The following TRIM3 variants were observed in gnomAD, a reference collection of about 807,000 sequenced individuals.
TRIM3 encodes the protein tripartite motif containing 3.
A neutral mutation model predicts 66.6 loss-of-function variants in TRIM3; 13 were observed. The observed-to-expected ratio is 0.20, with a 90% confidence interval of 0.13 to 0.31. The LOEUF (loss-of-function observed/expected upper bound fraction) is 0.31. TRIM3 is among the 10% of genes least tolerant of loss of function. The pLI is 1.00. For synonymous variants in TRIM3, 406 were observed against 411.7 expected (o/e 0.99, Z 0.17); for missense variants, 711 against 1,020.4 (o/e 0.70, Z 4.13).
intron 1 of TRIM3, among the ~76,000 whole-genome samples, chr11:6,466,099 AC>A (rs1850454359): frequency 6.6e-6 from 1 of 152,120 alleles, no homozygotes; most frequent in Non-Finnish European, 1.5e-5. Flanking sequence ...TCACTGACAT[AC>A]CTACCCTTCA....
At chr11:6,453,546 C>G (rs1166094451) in intron 7 of TRIM3, among the ~76,000 whole-genome samples, 1 of 152,104 alleles carries the variant, frequency 6.6e-6, no homozygotes, top group Non-Finnish European at 1.5e-5. Context: ...CAAAAACAAA[C>G]CAGTGATTCC....
intron 1 of TRIM3, among the ~76,000 whole-genome samples, chr11:6,470,260 C>T (rs1850628064): frequency 6.6e-6 from 1 of 152,098 alleles, no homozygotes; most frequent in Non-Finnish European, 1.5e-5. Context: ...GGGATATCAA[C>T]TGAACTTGGT....
At chr11:6,465,190 G>A (rs1347849621) in intron 2 of TRIM3, among the ~76,000 whole-genome samples, 1 of 152,082 alleles carries the variant, frequency 6.6e-6, no homozygotes, top group Non-Finnish European at 1.5e-5. Flanking sequence ...AGGACAAGCA[G>A]GGAAGGACAG....
intron 2 of TRIM3, among the ~76,000 whole-genome samples, chr11:6,462,465 T>C (rs1850289977): frequency 6.6e-6 from 1 of 152,186 alleles, no homozygotes; most frequent in Non-Finnish European, 1.5e-5. Flanking sequence ...TAGAGTGCAG[T>C]GATGTGATCA....
intron 1 of TRIM3, among the ~76,000 whole-genome samples, chr11:6,468,231 T>C (rs1422363719): frequency 6.6e-6 from 1 of 152,216 alleles, no homozygotes; most frequent in Non-Finnish European, 1.5e-5. Context: ...TGATGGGCCA[T>C]GAATAGAGAC....
chr11:6,448,954 C>A lies in TRIM3; in HGVS notation c.*74G>T. The A allele has an allele frequency of 1.3e-6, 2 of 1,579,888 alleles. No individual in the cohort carries two copies. The highest frequency in any genetic ancestry group is 1.7e-6 in the Non-Finnish European group (2 of 1,153,342). On this transcript the variant is annotated 3_prime_UTR_variant, in exon 12 of 12. Transcript: ENST00000345851. ...ATTCAGTGCTGCCAGGTCTGGCCCA[C>A]CTCCCAGCCAGACCCTCTTGTCCAA...
At position 6,449,780 on chromosome 11, in the gene TRIM3, A is replaced by C; in HGVS notation, c.1942-334T>G. 7.9e-6 allele frequency: 2 copies of C among 254,668 alleles called. No individual in the cohort carries two copies. The highest frequency in any genetic ancestry group is 7.5e-6 in the Non-Finnish European group (1 of 132,630). The allele number at this position is 254,668 out of a possible 1,614,324, so 15.8% of individuals were successfully genotyped here. On this transcript the variant is annotated intron_variant, in intron 10 of 11. Transcript: ENST00000345851. This position sits in a 1 kb window ranked among gnomAD's most constrained non-coding sequence, Gnocchi z 5.3. ...TTTGATAGGCCAATGAATTAACACA[A>C]CTCTTGATTCCATCTCAAATCCCTC...
rs570851102 is a variant in TRIM3, at chr11:6,450,256, C to T, written c.1941+295G>A. On this transcript the variant is annotated intron_variant, in intron 10 of 11. Coordinates refer to ENST00000345851, the MANE Select transcript of TRIM3 (RefSeq NM_033278.4). The surrounding 1 kb of genome is among the most constrained non-coding windows in gnomAD (Gnocchi z 4.8). ...CTTCTGTATCCCTTCCCACAGTTCC[C>T]TGCACCTTCCTATCACAGAATCTAT... 1 of 421,522 alleles carries T rather than the reference C, an allele frequency of 2.4e-6. No individual in the cohort carries two copies. The highest frequency in any genetic ancestry group is 3.9e-5 in the Admixed American group (1 of 25,808). The allele number at this position is 421,522 out of a possible 1,614,324, so 26.1% of individuals were successfully genotyped here.
At chr11:6,459,042 A>C (rs1350798301) in intron 2 of TRIM3, among the ~76,000 whole-genome samples, 1 of 152,216 alleles carries the variant, frequency 6.6e-6, no homozygotes, top group Non-Finnish European at 1.5e-5. Flanking sequence ...GAATGATAGA[A>C]AGTGATAAGG....
chr11:6,451,489 G>A (rs1564961967), intron 7 of TRIM3, 51 bp from the exon 8 acceptor site: 1 of 1,595,194 alleles, frequency 6.3e-7, no homozygotes, highest in African/African-American at 1.3e-5. Flanking sequence ...AGACACTGTG[G>A]GCACAGACAG....
chr11:6,450,703 A>G lies in TRIM3; in HGVS notation c.1871-82T>C. Reference sequence around the variant, plus strand: ...AAGAGTATCTGGGAAGATAAAAGCTAGGGTGTTAGGAGAGGGGTGGGGTCT... The same window carrying G: ...AAGAGTATCTGGGAAGATAAAAGCTGGGGTGTTAGGAGAGGGGTGGGGTCT... On this transcript the variant is annotated intron_variant, in intron 9 of 11. Coordinates refer to ENST00000345851, the MANE Select transcript of TRIM3 (RefSeq NM_033278.4). This position sits in a 1 kb window ranked among gnomAD's most constrained non-coding sequence, Gnocchi z 4.8. 1 of 1,467,482 alleles carries G rather than the reference A, an allele frequency of 6.8e-7. No homozygotes were observed. The highest frequency in any genetic ancestry group is 1.1e-5 in the South Asian group (1 of 87,856). 90.9% of individuals were successfully genotyped at this position (1,467,482 alleles called of 1,614,324 possible).
At chr11:6,468,482 C>A (rs1457266376) in intron 1 of TRIM3, among the ~76,000 whole-genome samples, 1 of 152,122 alleles carries the variant, frequency 6.6e-6, no homozygotes, top group Non-Finnish European at 1.5e-5. Flanking sequence ...GGGCCTGGCA[C>A]AAGAGAGGGG....
intron 1 of TRIM3, among the ~76,000 whole-genome samples, chr11:6,468,094 G>C (rs1002433825): frequency 1.1e-4 from 17 of 152,088 alleles, no homozygotes; most frequent in African/African-American, 3.9e-4. Context: ...GATCAGTCTG[G>C]GCAACATAAT....
chr11:6,451,268 C>T lies in TRIM3; in HGVS notation c.1701+3G>A, dbSNP rs1395161576. On this transcript the variant is annotated splice_donor_region_variant and intron_variant, in intron 8 of 11. Transcript: ENST00000345851. ...GTAAGTAAAGTGACAGCAGGCCTCTCACCTTGAACTTGCCCTCAGGGGAGA... is the reference window on the plus strand; with the variant it reads ...GTAAGTAAAGTGACAGCAGGCCTCTTACCTTGAACTTGCCCTCAGGGGAGA... The T allele has an allele frequency of 1.2e-6, 2 of 1,614,086 alleles. No homozygotes were observed.
chr11:6,472,041 G>C (rs1415852051), intron 1 of TRIM3, among the ~76,000 whole-genome samples: 1 of 152,132 alleles, frequency 6.6e-6, no homozygotes, highest in Non-Finnish European at 1.5e-5. Flanking sequence ...CGAGAACCCT[G>C]GTAGTCTTCT....
intron 1 of TRIM3, among the ~76,000 whole-genome samples, chr11:6,466,593 GTTT>G: frequency 7.1e-6 from 1 of 139,970 alleles, no homozygotes; most frequent in African/African-American, 2.6e-5. Flanking sequence ...TTCCTGCTGG[GTTT>G]TTTTTTTTTT....
At position 6,458,755 on chromosome 11, in the gene TRIM3, T is replaced by C. The variant is rs910470141; in HGVS notation, c.132-459A>G. Reference sequence around the variant, plus strand: ...GTCACAGGAATAGTACAGAAGTAAATAGCATGATGATTAAGGGAATGGGTC... The same window carrying C: ...GTCACAGGAATAGTACAGAAGTAAACAGCATGATGATTAAGGGAATGGGTC... On this transcript the variant is annotated intron_variant, in intron 2 of 11. Coordinates refer to ENST00000345851, the MANE Select transcript of TRIM3 (RefSeq NM_033278.4). This position sits in a 1 kb window ranked among gnomAD's most constrained non-coding sequence, Gnocchi z 6.2. Among the ~76,000 whole-genome samples, 10 of 152,214 alleles carry C rather than the reference T, an allele frequency of 6.6e-5. No individual in the cohort carries two copies. The highest frequency in any genetic ancestry group is 1.9e-4 in the African/African-American group (8 of 41,532).
At chr11:6,466,591 G>A (rs1589837746) in intron 1 of TRIM3, among the ~76,000 whole-genome samples, 1 of 120,320 alleles carries the variant, frequency 8.3e-6, no homozygotes, top group East Asian at 2.0e-4. Context: ...CATTCCTGCT[G>A]GGTTTTTTTT....
chr11:6,452,595 T>G (rs1317030910), intron 7 of TRIM3: 1 of 150,848 alleles, frequency 6.6e-6, no homozygotes, highest in Non-Finnish European at 1.5e-5. Context: ...CACTTTCTTC[T>G]AATGTGGACC....
Sources: allele counts gnomAD v4.1 joint callset (sites outside exome capture counted in the v4.1 genomes callset), GRCh38; gene constraint gnomAD v4.1.1; non-coding constraint Gnocchi (gnomAD v3.1); transcripts MANE v1.5; gene names NCBI Gene and HGNC (gene_info 2026-07-23, HGNC 2026-07-21).